The following MCC variants were observed in gnomAD, a reference collection of about 807,000 sequenced individuals.
The protein encoded by MCC is colorectal mutant cancer protein.
In MCC, 90 loss-of-function variants were observed where a neutral mutation model predicts 116.2. That is an observed-to-expected ratio of 0.77 (90% CI 0.65 to 0.92). The LOEUF (loss-of-function observed/expected upper bound fraction) is 0.92. Among genes scored for constraint, MCC ranks in the 40% least tolerant of loss-of-function variants. MCC has a pLI of 0.00. For missense variants in MCC, 1,516 were observed against 1,312.2 expected, an observed-to-expected ratio of 1.16 and a Z score of -2.40; for synonymous variants, 578 against 510.5, an observed-to-expected ratio of 1.13 and a Z score of -1.78.
intron 6 of MCC, among the ~76,000 whole-genome samples, chr5:113,119,149 G>A (rs930152235): frequency 2.6e-5 from 4 of 152,212 alleles, no homozygotes; most frequent in East Asian, 1.9e-4. Context: ...TATCTCCTAC[G>A]TGCAGGAACT....
chr5:113,458,820 C>G (rs1771655918), intron 1 of MCC, among the ~76,000 whole-genome samples: 1 of 152,128 alleles, frequency 6.6e-6, no homozygotes, highest in Non-Finnish European at 1.5e-5. Flanking sequence ...AAGGACAAAA[C>G]CCAAAGTGGT....
At chr5:113,163,624 T>C (rs1334891302) in intron 3 of MCC, among the ~76,000 whole-genome samples, 3 of 152,130 alleles carry the variant, frequency 2.0e-5, no homozygotes, top group African/African-American at 7.2e-5. Flanking sequence ...GGGAAATAGC[T>C]CATGAACAAG....
chr5:113,047,421 G>A (rs1035238830), intron 16 of MCC, among the ~76,000 whole-genome samples: 12 of 152,272 alleles, frequency 7.9e-5, no homozygotes, highest in African/African-American at 2.9e-4. Context: ...CCACAGCTGT[G>A]TCTTGTCTTG....
intron 5 of MCC, among the ~76,000 whole-genome samples, chr5:113,136,496 G>C (rs753992986): frequency 1.3e-5 from 2 of 152,168 alleles, no homozygotes; most frequent in Non-Finnish European, 2.9e-5. Flanking sequence ...AGGAGCTGCT[G>C]TAAGAATTAT....
intron 3 of MCC, among the ~76,000 whole-genome samples, chr5:113,322,655 G>A (rs1313841592): frequency 6.6e-6 from 1 of 152,120 alleles, no homozygotes; most frequent in East Asian, 1.9e-4. Flanking sequence ...TAAAGAATCA[G>A]CTATCAAAAG....
At chr5:113,095,189 T>C (rs28535973) in intron 8 of MCC, among the ~76,000 whole-genome samples, 47,434 of 152,014 alleles carry the variant, frequency 0.31, 9,890 homozygotes, top group African/African-American at 0.6. Flanking sequence ...TTACCCACTG[T>C]TGGTCTGCAT....
intron 3 of MCC, among the ~76,000 whole-genome samples, chr5:113,286,768 G>T (rs1766279345): frequency 6.6e-6 from 1 of 152,106 alleles, no homozygotes; most frequent in Non-Finnish European, 1.5e-5. Flanking sequence ...AAGGTTTAAG[G>T]TCTTTGCTGA....
rs116085286 is a variant in MCC, at chr5:113,196,910, A to T, written c.628-45488T>A. ...GTTCTGGCTGAGTTTGGGCCCTGTGATCTGGAACCTCCACTAATGGTCTTT... is the reference window on the plus strand; with the variant it reads ...GTTCTGGCTGAGTTTGGGCCCTGTGTTCTGGAACCTCCACTAATGGTCTTT... On this transcript the variant is annotated intron_variant, in intron 3 of 18. Transcript: ENST00000408903. 1.8e-3 allele frequency among the ~76,000 whole-genome samples: 267 copies of T among 152,292 alleles called. 1 individual carries two copies. The highest frequency in any genetic ancestry group is 6.2e-3 in the African/African-American group (259 of 41,568).
chr5:113,030,992 G>A (rs1329343097), intron 17 of MCC, among the ~76,000 whole-genome samples: 2 of 152,210 alleles, frequency 1.3e-5, no homozygotes, highest in African/African-American at 4.8e-5. Flanking sequence ...CGTCGGGGTA[G>A]AAGGCTCCTT....
At chr5:113,334,654 G>A (rs1767827904) in intron 3 of MCC, among the ~76,000 whole-genome samples, 1 of 144,058 alleles carries the variant, frequency 6.9e-6, no homozygotes. Flanking sequence ...GCAGTGGCGT[G>A]ATCTCAGCTC....
At chr5:113,355,779 A>T (rs775781992) in intron 2 of MCC, among the ~76,000 whole-genome samples, 15 of 152,012 alleles carry the variant, frequency 9.9e-5, no homozygotes. Flanking sequence ...ATCTAACTTT[A>T]ATTACCTTCC....
At chr5:113,178,126 G>A (rs138619363) in intron 3 of MCC, among the ~76,000 whole-genome samples, 1 of 152,312 alleles carries the variant, frequency 6.6e-6, no homozygotes, top group Non-Finnish European at 1.5e-5. Flanking sequence ...GGCAGCGGAA[G>A]GGAAGAGAAG....
intron 3 of MCC, among the ~76,000 whole-genome samples, chr5:113,264,815 G>C (rs1470716752): frequency 6.6e-6 from 1 of 152,102 alleles, no homozygotes; most frequent in African/African-American, 2.4e-5. Flanking sequence ...AGTCGAAGTG[G>C]GCAGATCACC....
chr5:113,063,356 C>T (rs1753353879), intron 14 of MCC, among the ~76,000 whole-genome samples: 1 of 152,212 alleles, frequency 6.6e-6, no homozygotes, highest in African/African-American at 2.4e-5. Context: ...CTTCGCCGCT[C>T]TCTTCCTAGC....
At chr5:113,241,270 T>A (rs1425307150) in intron 3 of MCC, among the ~76,000 whole-genome samples, 1 of 151,916 alleles carries the variant, frequency 6.6e-6, no homozygotes, top group African/African-American at 2.4e-5. Flanking sequence ...TGATAGCAAA[T>A]AAAATAAAAA....
chr5:113,062,515 A>C (rs1470945886), intron 14 of MCC, among the ~76,000 whole-genome samples: 1 of 152,238 alleles, frequency 6.6e-6, no homozygotes, highest in Non-Finnish European at 1.5e-5. Context: ...CTGTCAAGCA[A>C]ACTCTTATGT....
At chr5:113,267,698 G>A (rs55967427) in intron 3 of MCC, among the ~76,000 whole-genome samples, 3,366 of 152,292 alleles carry the variant, frequency 0.022, 84 homozygotes, top group African/African-American at 0.062. Context: ...CTACAGTGAC[G>A]AAGCAGATAA....
At chr5:113,210,548 C>T (rs1763096202) in intron 3 of MCC, among the ~76,000 whole-genome samples, 1 of 152,080 alleles carries the variant, frequency 6.6e-6, no homozygotes, top group African/African-American at 2.4e-5. Context: ...TGGTCAAGTA[C>T]AGGTGTGATG....
Position 113,024,033 on chromosome 5 carries a change from T to C in MCC, c.*3269A>G, listed in dbSNP as rs1750352916. Reference sequence around the variant, plus strand: ...CTTTCAGATAGTTTCATGTTTTCCTTAGAGTGGTAACTTTCTTTACTACTC... The same window carrying C: ...CTTTCAGATAGTTTCATGTTTTCCTCAGAGTGGTAACTTTCTTTACTACTC... On this transcript the variant is annotated 3_prime_UTR_variant, in exon 19 of 19. Coordinates refer to ENST00000408903, the MANE Select transcript of MCC (RefSeq NM_001085377.2). 1 of 87,012 alleles carries C rather than the reference T, an allele frequency of 1.1e-5. No homozygotes were observed. The highest frequency in any genetic ancestry group is 5.1e-5 in the African/African-American group (1 of 19,444). The allele number at this position is 87,012 out of a possible 1,614,324, so 5.4% of individuals were successfully genotyped here.
Sources: gnomAD v4.1 joint callset for allele counts (sites outside exome capture counted in the v4.1 genomes callset) on GRCh38, gnomAD v4.1.1 for gene constraint, MANE v1.5 for transcripts, NCBI Gene and HGNC (gene_info 2026-07-23, HGNC 2026-07-21) for gene names.